ASTN1: variants seen among roughly 807,000 people sequenced by gnomAD.
The protein encoded by ASTN1 is astrotactin-1.
ASTN1 carries 41 observed loss-of-function variants against 140.7 expected under a neutral mutation model. The ratio of observed to expected loss-of-function variants is 0.29; its 90% CI spans 0.23 to 0.38. The LOEUF (loss-of-function observed/expected upper bound fraction) is 0.38. Among genes scored for constraint, ASTN1 ranks in the 10% least tolerant of loss-of-function variants. The pLI, the probability that ASTN1 is intolerant of heterozygous loss-of-function variation, is 1.00. For missense variants in ASTN1, 1,479 were observed against 1,678.8 expected (o/e 0.88, Z 2.08); for synonymous variants, 640 against 652.2 (o/e 0.98, Z 0.29).
intron 5 of ASTN1, among the ~76,000 whole-genome samples, chr1:177,026,545 C>T (rs960140661): frequency 1.3e-5 from 2 of 152,170 alleles, no homozygotes; most frequent in Admixed American, 6.5e-5. Flanking sequence ...ATTGCTGGGT[C>T]ATATGGCAGC....
At chr1:177,032,313 G>C in intron 3 of ASTN1, 143 bp downstream of exon 3, 1 of 1,138,620 alleles carries the variant, frequency 8.8e-7, no homozygotes, top group East Asian at 2.4e-5. Context: ...CAGGAAACAG[G>C]TTATTCTTGC....
chr1:177,097,659 C>T (rs1024135658), intron 1 of ASTN1, among the ~76,000 whole-genome samples: 4 of 152,072 alleles, frequency 2.6e-5, no homozygotes, highest in Non-Finnish European at 4.4e-5. Flanking sequence ...TCCTTTCAAC[C>T]ATCCCGGAGT....
In ASTN1 at chr1:177,032,731, G is replaced by A; in HGVS notation, c.590C>T (p.Ala197Val). 2 of 1,613,956 alleles carry A rather than the reference G, an allele frequency of 1.2e-6. No individual in the cohort carries two copies. The highest frequency in any genetic ancestry group is 1.7e-6 in the Non-Finnish European group (2 of 1,180,042). ...AGGAATGTAGTGAATCTCATTGGCT[G>A]CCTCAGCACTGGCACTCTTCTGGGG... ...PQPQKSASAEAANEIHYIPSV... is the reference protein window; with the variant it reads ...PQPQKSASAEVANEIHYIPSV... The change falls in exon 3 of 23, where the codon GCA becomes GTA. Residue 197 changes from alanine to valine, a missense_variant. By Grantham distance (64) the Ala-to-Val change is moderately conservative (BLOSUM62 0). Coordinates refer to ENST00000361833, the MANE Select transcript of ASTN1 (RefSeq NM_004319.3).
At chr1:177,040,400 T>C (rs2101992158) in intron 2 of ASTN1, among the ~76,000 whole-genome samples, 1 of 152,312 alleles carries the variant, frequency 6.6e-6, no homozygotes, top group South Asian at 2.1e-4. Context: ...ACTGGGGCAG[T>C]TACTACTGCT....
intron 21 of ASTN1, among the ~76,000 whole-genome samples, chr1:176,874,030 T>C (rs1668462965): frequency 6.6e-6 from 1 of 152,166 alleles, no homozygotes; most frequent in Non-Finnish European, 1.5e-5. Flanking sequence ...CACCTGCTAA[T>C]CACCTCCCTG....
chr1:177,045,115 A>G (rs140989739), intron 2 of ASTN1, among the ~76,000 whole-genome samples: 1,555 of 152,118 alleles, frequency 0.01, 23 homozygotes, highest in African/African-American at 0.034. Context: ...GCACACATCT[A>G]TCTCCTTCCT....
chr1:177,076,986 C>G (rs1054965984), intron 1 of ASTN1, among the ~76,000 whole-genome samples: 13 of 152,128 alleles, frequency 8.5e-5, no homozygotes, highest in Admixed American at 6.5e-4. Flanking sequence ...ACTTTTTCGC[C>G]CAATCTCAAT....
rs538438912 is a variant in ASTN1 at position 177,082,217 on chromosome 1, C to T, written c.284-20952G>A. Among the ~76,000 whole-genome samples the T allele has an allele frequency of 3.9e-5, 6 of 152,140 alleles. No homozygotes were observed. In the East Asian group the frequency reaches 7.7e-4, roughly 20 times the overall value. On this transcript the variant is annotated intron_variant, in intron 1 of 22. Transcript: ENST00000361833. ...TGGAAGCCATGGTCATGGGGATGGA[C>T]GAATCTACCTATGAGTGTGCAGTAT...
At chr1:177,088,572 C>A (rs894581935) in intron 1 of ASTN1, among the ~76,000 whole-genome samples, 1 of 152,080 alleles carries the variant, frequency 6.6e-6, no homozygotes, top group African/African-American at 2.4e-5. Context: ...TATCAACAAC[C>A]AAGAGATGCT....
At chr1:176,944,620 A>C (rs1342389815) in intron 13 of ASTN1, among the ~76,000 whole-genome samples, 1 of 152,214 alleles carries the variant, frequency 6.6e-6, no homozygotes, top group African/African-American at 2.4e-5. Context: ...ACCCCACTGT[A>C]AATACATGTC....
intron 2 of ASTN1, among the ~76,000 whole-genome samples, chr1:177,050,873 G>A (rs1207673192): frequency 2.0e-5 from 3 of 151,972 alleles, no homozygotes; most frequent in Non-Finnish European, 4.4e-5. Context: ...TTTCTACAAG[G>A]GGGTATTTTA....
At chr1:177,057,725 A>G (rs1250065145) in intron 2 of ASTN1, among the ~76,000 whole-genome samples, 3 of 114,588 alleles carry the variant, frequency 2.6e-5, no homozygotes, top group African/African-American at 8.5e-5. Flanking sequence ...GAGTTAATGA[A>G]AAAATAGTCT....
chr1:177,157,519 T>G (rs1189399487), intron 1 of ASTN1, among the ~76,000 whole-genome samples: 2 of 152,122 alleles, frequency 1.3e-5, no homozygotes, highest in Non-Finnish European at 2.9e-5. Flanking sequence ...TTTGTCATGT[T>G]GCCAAGGCCT....
Position 176,965,178 on chromosome 1 carries a change from G to A in ASTN1, c.1583C>T (p.Ser528Phe). 1.2e-6 allele frequency: 2 copies of A among 1,613,940 alleles called. No individual in the cohort carries two copies. Among genetic ancestry groups the A allele is most frequent in the Non-Finnish European group, 1.7e-6 (2 of 1,179,882 alleles). The part of the protein sequence containing the change: ...GFDLVLGEQP[S>F]DKIFRFTYTL... The stretch of plus-strand genomic sequence containing the variant: ...AATCACTTACCTAAATATTTTATCA[G>A]AGGGCTGCTCTCCCAAAACCAGGTC... The change falls in exon 9 of 23, where the codon TCT becomes TTT. Residue 528 changes from serine (S) to phenylalanine (F), a missense_variant. Physicochemically the swap from Ser to Phe is radical, Grantham distance 155. This residue lies in a region of ASTN1 where 729 missense variants were observed against 860.4 expected (regional missense o/e 0.85). Transcript: ENST00000361833.
intron 5 of ASTN1, among the ~76,000 whole-genome samples, chr1:177,026,096 A>G (rs1379174798): frequency 1.3e-5 from 2 of 152,150 alleles, no homozygotes; most frequent in Admixed American, 6.5e-5. Flanking sequence ...TTTTTGGTTT[A>G]TGGATATACT....
rs749268275 is a variant in ASTN1, at chr1:176,934,173, C to G, written c.2650G>C (p.Glu884Gln). The G allele has an allele frequency of 3.1e-6, 5 of 1,612,716 alleles. No homozygotes were observed. Among genetic ancestry groups the G allele is most frequent in the Non-Finnish European group, 4.2e-6 (5 of 1,178,900 alleles). The change falls in exon 16 of 23, where the codon GAG becomes CAG. Residue 884 changes from glutamate (E) to glutamine (Q), a missense_variant. Glu to Gln is a conservative substitution (Grantham distance 29). This residue lies in a region of ASTN1 where 746 missense variants were observed against 800.9 expected (regional missense o/e 0.93). Transcript: ENST00000361833. ...TCACCTTTACTGATGTCTTCATACTCCAGCCAGAGTCGCCGCTGGACCTGC... is the reference window on the plus strand; with the variant it reads ...TCACCTTTACTGATGTCTTCATACTGCAGCCAGAGTCGCCGCTGGACCTGC... ...NKQVQRRLWLEYEDISKGNSP... is the reference protein window; with the variant it reads ...NKQVQRRLWLQYEDISKGNSP...
chr1:176,991,041 C>T (rs930232871), intron 8 of ASTN1, among the ~76,000 whole-genome samples: 1 of 152,182 alleles, frequency 6.6e-6, no homozygotes, highest in Admixed American at 6.5e-5. Context: ...TAATTAGCCT[C>T]GCTGCTCTTC....
chr1:177,157,315 G>GT (rs1356924885), intron 1 of ASTN1, among the ~76,000 whole-genome samples: 4 of 151,884 alleles, frequency 2.6e-5, no homozygotes, highest in African/African-American at 7.3e-5. Context: ...TGTTGTTGTT[G>GT]TTGTTTGTTT....
intron 7 of ASTN1, 54 bp downstream of exon 7, chr1:177,023,350 T>G: frequency 6.6e-7 from 1 of 1,519,220 alleles, no homozygotes; most frequent in Non-Finnish European, 8.8e-7. Flanking sequence ...AGGGAGTGAT[T>G]GCAAGAGGCA....
Sources: allele counts gnomAD v4.1 joint callset (sites outside exome capture counted in the v4.1 genomes callset), GRCh38; gene constraint gnomAD v4.1.1; regional missense constraint gnomAD v4.1.1; transcripts MANE v1.5; gene names NCBI Gene and HGNC (gene_info 2026-07-23, HGNC 2026-07-21).